Variants in CCDC127 observed in about 807,000 individuals in gnomAD.
CCDC127 encodes coiled-coil domain-containing protein 127.
CCDC127 carries 2 observed loss-of-function variants against 4.1 expected under a neutral mutation model. That is an observed-to-expected ratio of 0.49 (90% confidence interval 0.20 to 1.53). The LOEUF (loss-of-function observed/expected upper bound fraction) is 1.53. Among genes scored for constraint, CCDC127 ranks in the 40% most tolerant of loss-of-function variants. The probability of loss-of-function intolerance (pLI) is 0.23; values close to 1 mark genes in which losing one functional copy is unlikely to be tolerated. For missense variants in CCDC127, 271 were observed against 322.9 expected (o/e 0.84, Z 1.23); for synonymous variants, 98 against 120.4 (o/e 0.81, Z 1.22).
chr5:200,892 G>T lies in CCDC127; in HGVS notation c.*4405C>A, dbSNP rs2086555732. The T allele has an allele frequency of 9.6e-6, 1 of 103,748 alleles. No homozygotes were observed. Among genetic ancestry groups the T allele is most frequent in the Non-Finnish European group, 2.1e-5 (1 of 46,846 alleles). The allele number at this position is 103,748 out of a possible 1,614,324, so 6.4% of individuals were successfully genotyped here. On this transcript the variant is annotated 3_prime_UTR_variant, in exon 3 of 3. Transcript: ENST00000296824. Reference sequence around the variant, plus strand: ...CCAGCCAGCGTCTACACAGCAGGCTGCCCCCATCACAGCTAGCCAGCGTCT... The same window carrying T: ...CCAGCCAGCGTCTACACAGCAGGCTTCCCCCATCACAGCTAGCCAGCGTCT...
At position 205,505 on chromosome 5, in the gene CCDC127, A is replaced by G; in HGVS notation, c.575T>C (p.Val192Ala). Residue 192 changes from valine (V) to alanine (A), a missense_variant, in exon 3 of 3, where the codon GTG (valine) becomes GCG (alanine). By Grantham distance (64) the Val-to-Ala change is moderately conservative (BLOSUM62 0). Coordinates refer to ENST00000296824, the MANE Select transcript of CCDC127 (RefSeq NM_145265.3). The part of the protein sequence containing the change: ...KRLEIEKSLL[V>A]RASVDPVAAD... Reference sequence around the variant, plus strand: ...GGCGACGGGGTCGACGGACGCTCGCACCAGTAAGCTCTTCTCTATCTCCAG... The same window carrying G: ...GGCGACGGGGTCGACGGACGCTCGCGCCAGTAAGCTCTTCTCTATCTCCAG... The G allele has an allele frequency of 2.5e-6, 4 of 1,613,912 alleles. No homozygotes were observed. The highest frequency in any genetic ancestry group is 3.4e-6 in the Non-Finnish European group (4 of 1,179,806).
At position 197,277 on chromosome 5, in the gene CCDC127, G is replaced by C. The variant is rs189232478; in HGVS notation, c.*8020C>G. On this transcript the variant is annotated 3_prime_UTR_variant, in exon 3 of 3. Coordinates refer to ENST00000296824, the MANE Select transcript of CCDC127 (RefSeq NM_145265.3). ...GACATTCAGTTCCCAGCGGCGAGCA[G>C]GAGACAGTGGACTTCTCTCTCTCAA... 1 of 152,344 alleles carries C rather than the reference G, an allele frequency of 6.6e-6. No homozygotes were observed. The highest frequency in any genetic ancestry group is 1.9e-4 in the East Asian group (1 of 5,174). 9.4% of individuals were successfully genotyped at this position (152,344 alleles called of 1,614,324 possible).
rs1333361430 is a variant in CCDC127 at position 197,081 on chromosome 5, C to T, written c.*8216G>A. 3.5e-5 allele frequency: 5 copies of T among 141,176 alleles called. No individual in the cohort carries two copies. The highest frequency in any genetic ancestry group is 4.0e-4 in the East Asian group (2 of 5,062). The allele number at this position is 141,176 out of a possible 1,614,324, so 8.7% of individuals were successfully genotyped here. ...TCGTAATTAAGTTCAAGGGAAGGTA[C>T]TATGCCTGGACGTGCACGTAGGCCA... On this transcript the variant is annotated 3_prime_UTR_variant, in exon 3 of 3. Transcript: ENST00000296824.
At chr5:213,593 G>T (rs148063272) in intron 2 of CCDC127, among the ~76,000 whole-genome samples, 1 of 140,348 alleles carries the variant, frequency 7.1e-6, no homozygotes, top group African/African-American at 2.7e-5. Flanking sequence ...TGGGGCAGAC[G>T]GGACAGCAGT....
At chr5:207,939 A>C (rs555746570) in intron 2 of CCDC127, among the ~76,000 whole-genome samples, 10 of 152,324 alleles carry the variant, frequency 6.6e-5, no homozygotes, top group African/African-American at 2.4e-4. Context: ...GTTAAACGTC[A>C]GACCCCACCA....
Position 202,785 on chromosome 5 carries a change from T to C in CCDC127, c.*2512A>G, listed in dbSNP as rs1250170281. 7.2e-5 allele frequency: 11 copies of C among 152,216 alleles called. No homozygotes were observed. The highest frequency in any genetic ancestry group is 7.2e-4 in the Admixed American group (11 of 15,286). The allele number at this position is 152,216 out of a possible 1,614,324, so 9.4% of individuals were successfully genotyped here. A position where few individuals can be genotyped will look rare whatever the true frequency, so the allele number is the denominator to read the frequency against. On this transcript the variant is annotated 3_prime_UTR_variant, in exon 3 of 3. Transcript: ENST00000296824. ...AAAGCAGCTGACTGTGTTTTCTTCA[T>C]TTAAAGACAAACGTGGAGTGGTTCA... is the stretch of plus-strand genomic sequence containing the variant.
At position 204,992 on chromosome 5, in the gene CCDC127, A is replaced by C. The variant is rs1734140101; in HGVS notation, c.*305T>G. On this transcript the variant is annotated 3_prime_UTR_variant, in exon 3 of 3. Transcript: ENST00000296824. Reference sequence around the variant, plus strand: ...GACCAGTATTGTATTTGACTTTTTAAAAAACCATTTTTACCCTGGAGCTAA... The same window carrying C: ...GACCAGTATTGTATTTGACTTTTTACAAAACCATTTTTACCCTGGAGCTAA... 1 of 248,478 alleles carries C rather than the reference A, an allele frequency of 4.0e-6. No homozygotes were observed. The highest frequency in any genetic ancestry group is 7.6e-6 in the Non-Finnish European group (1 of 131,270). The allele number at this position is 248,478 out of a possible 1,614,324, so 15.4% of individuals were successfully genotyped here.
Position 208,924 on chromosome 5 carries a change from A to G in CCDC127, c.122-2966T>C, listed in dbSNP as rs926134083. Among the ~76,000 whole-genome samples the G allele has an allele frequency of 6.6e-5, 10 of 152,360 alleles. 1 individual carries two copies. The highest frequency in any genetic ancestry group is 2.4e-4 in the African/African-American group (10 of 41,590). On this transcript the variant is annotated intron_variant, in intron 2 of 2. Transcript: ENST00000296824. The stretch of plus-strand genomic sequence containing the variant: ...ACAAAGATGATCAACAGATGCCAAG[A>G]CCTGGATGAGAGATGGCAGTATCAT...
In CCDC127 at chr5:200,845, C is replaced by T. The variant is rs1734062070; in HGVS notation, c.*4452G>A. ...CGGAGCAAGCCCAGCACTTTCTACA[C>T]AGCAGGCTGCCCCCATCACAGCCAG... On this transcript the variant is annotated 3_prime_UTR_variant, in exon 3 of 3. Coordinates refer to ENST00000296824, the MANE Select transcript of CCDC127 (RefSeq NM_145265.3). 6.6e-6 allele frequency: 1 copy of T among 151,892 alleles called. No homozygotes were observed. The highest frequency in any genetic ancestry group is 2.4e-5 in the African/African-American group (1 of 40,886). 9.4% of individuals were successfully genotyped at this position (151,892 alleles called of 1,614,324 possible). A position where few individuals can be genotyped will look rare whatever the true frequency, so the allele number is the denominator to read the frequency against.
rs565217363 is a variant in CCDC127, at chr5:204,370, G to A, written c.*927C>T. 6.6e-6 allele frequency: 1 copy of A among 152,380 alleles called. No individual in the cohort carries two copies. The highest frequency in any genetic ancestry group is 1.5e-5 in the Non-Finnish European group (1 of 68,046). 9.4% of individuals were successfully genotyped at this position (152,380 alleles called of 1,614,324 possible). A position where few individuals can be genotyped will look rare whatever the true frequency, so the allele number is the denominator to read the frequency against. On this transcript the variant is annotated 3_prime_UTR_variant, in exon 3 of 3. Transcript: ENST00000296824. ...CACAGGATTCGACTGAGGATTCCAT[G>A]AGTGAACAGGTATACAGGCTCAATT...
rs1354136283 is a variant in CCDC127 at position 205,687 on chromosome 5, T to G, written c.393A>C (p.Lys131Asn). ...EQERAQVMQE[K>N]RQVQPLRSAY... ...CACTTCTCAAAGGCTGCACCTGTCTTTTTTCTTGCATCACCTGGGCCCGTT... is the reference window on the plus strand; with the variant it reads ...CACTTCTCAAAGGCTGCACCTGTCTGTTTTCTTGCATCACCTGGGCCCGTT... The change falls in exon 3 of 3, where the codon AAA becomes AAC. Residue 131 changes from lysine (K) to asparagine (N), a missense_variant. Transcript: ENST00000296824. The G allele has an allele frequency of 6.2e-7, 1 of 1,614,002 alleles. No homozygotes were observed. Among genetic ancestry groups the G allele is most frequent in the African/African-American group, 1.3e-5 (1 of 74,906 alleles).
chr5:217,455 TG>T (rs1395526567), intron 1 of CCDC127, among the ~76,000 whole-genome samples: 1 of 152,218 alleles, frequency 6.6e-6, no homozygotes, highest in East Asian at 1.9e-4. Flanking sequence ...CTATTTGTTG[TG>T]TCTCTGGAGA....
rs1287295478 is a variant in CCDC127 at position 201,348 on chromosome 5, T to G, written c.*3949A>C. The G allele has an allele frequency of 2.0e-5, 3 of 152,280 alleles. No homozygotes were observed. Among genetic ancestry groups the G allele is most frequent in the Admixed American group, 2.0e-4 (3 of 15,288 alleles). The allele number at this position is 152,280 out of a possible 1,614,324, so 9.4% of individuals were successfully genotyped here. On this transcript the variant is annotated 3_prime_UTR_variant, in exon 3 of 3. Coordinates refer to ENST00000296824, the MANE Select transcript of CCDC127 (RefSeq NM_145265.3). ...TTAAAGAGATGATCTTAGTACACTA[T>G]GAAGCAATCACTTTTTAAACAATCC... is the stretch of plus-strand genomic sequence containing the variant.
intron 2 of CCDC127, among the ~76,000 whole-genome samples, chr5:206,807 G>T (rs1560975225): frequency 6.6e-6 from 1 of 152,170 alleles, no homozygotes; most frequent in Non-Finnish European, 1.5e-5. Context: ...TGTTCTGCTT[G>T]TACATTCTAA....
chr5:213,610 A>C (rs1041485056), intron 2 of CCDC127, among the ~76,000 whole-genome samples: 1 of 149,328 alleles, frequency 6.7e-6, no homozygotes. Context: ...CAGTGTGAGC[A>C]CGCTGATGCT....
In CCDC127 at chr5:218,103, G is replaced by C. The variant is rs1242220075; in HGVS notation, c.-21C>G. On this transcript the variant is annotated 5_prime_UTR_variant, in exon 1 of 3. Transcript: ENST00000296824. ...CAGGGCCCGCTCTACCTCGGTCGGG[G>C]AGCGCGGGACCTCAGCGTTCCCTTA... The C allele has an allele frequency of 1.7e-6, 2 of 1,208,674 alleles. No individual in the cohort carries two copies. Among genetic ancestry groups the C allele is most frequent in the East Asian group, 6.9e-5 (2 of 28,976 alleles). 74.9% of individuals were successfully genotyped at this position (1,208,674 alleles called of 1,614,324 possible).
intron 2 of CCDC127, among the ~76,000 whole-genome samples, chr5:206,214 T>TACCACTGCTTTTCTTCTCCTCGCAAACCC (rs55724590): frequency 0.33 from 50,784 of 151,718 alleles, 10,164 homozygotes; most frequent in African/African-American, 0.56. Context: ...TAAGAAGATC[T>TACCACTGCTTTTCTTCTCCTCGCAAACCC]ACCACCATTT....
At chr5:214,448 T>C (rs1734339841) in intron 2 of CCDC127, 1 of 152,168 alleles carries the variant, frequency 6.6e-6, no homozygotes, top group Non-Finnish European at 1.5e-5. Flanking sequence ...TCTAAAACTA[T>C]GTTTTCTGGG....
chr5:200,147 A>G lies in CCDC127; in HGVS notation c.*5150T>C, dbSNP rs775136511. ...GAGCCGCAGAGCCACATTCAGGCTC[A>G]TCTGGTCCCGCTACCCGACAGCAAG... On this transcript the variant is annotated 3_prime_UTR_variant, in exon 3 of 3. Transcript: ENST00000296824. 1 of 152,228 alleles carries G rather than the reference A, an allele frequency of 6.6e-6. No individual in the cohort carries two copies. Among genetic ancestry groups the G allele is most frequent in the Non-Finnish European group, 1.5e-5 (1 of 68,056 alleles). 9.4% of individuals were successfully genotyped at this position (152,228 alleles called of 1,614,324 possible).
Sources: allele counts gnomAD v4.1 joint callset (sites outside exome capture counted in the v4.1 genomes callset), GRCh38; gene constraint gnomAD v4.1.1; transcripts MANE v1.5; gene names NCBI Gene and HGNC (gene_info 2026-07-23, HGNC 2026-07-21).